The following VWC2L variants were observed in gnomAD, a reference collection of about 807,000 sequenced individuals.
VWC2L encodes von Willebrand factor C domain-containing protein 2-like.
Under a neutral mutation model 21.6 loss-of-function variants are expected in VWC2L, and 10 were observed. That is an observed-to-expected ratio of 0.46 (90% CI 0.29 to 0.78). VWC2L has a LOEUF of 0.78. VWC2L is among the 30% of genes least tolerant of loss of function. VWC2L has a pLI of 0.10. For missense variants in VWC2L, 209 were observed against 277.1 expected (o/e 0.75, Z 1.74); for synonymous variants, 96 against 94.3 (o/e 1.02, Z -0.10).
At chr2:214,502,826 C>G (rs1208303879) in intron 3 of VWC2L, among the ~76,000 whole-genome samples, 1 of 152,130 alleles carries the variant, frequency 6.6e-6, no homozygotes, top group Non-Finnish European at 1.5e-5. Context: ...TTTTCTTCTT[C>G]CCTTTCTCAT....
intron 3 of VWC2L, among the ~76,000 whole-genome samples, chr2:214,493,710 C>A (rs1688774918): frequency 6.6e-6 from 1 of 152,136 alleles, no homozygotes; most frequent in African/African-American, 2.4e-5. Flanking sequence ...AGAGGATATT[C>A]TGAGGTCAGG....
At chr2:214,463,187 T>C (rs1403054776) in intron 3 of VWC2L, among the ~76,000 whole-genome samples, 1 of 152,152 alleles carries the variant, frequency 6.6e-6, no homozygotes. Context: ...TTCTATCTAT[T>C]TTATCAGTTT....
At chr2:214,567,547 T>TCC (rs1690082810) in intron 3 of VWC2L, among the ~76,000 whole-genome samples, 2 of 119,898 alleles carry the variant, frequency 1.7e-5, no homozygotes, top group African/African-American at 6.8e-5. Context: ...TTCATCCACA[T>TCC]ACACACACAC....
chr2:214,516,314 T>C (rs1184326795), intron 3 of VWC2L, among the ~76,000 whole-genome samples: 3 of 151,876 alleles, frequency 2.0e-5, no homozygotes, highest in East Asian at 1.9e-4. Flanking sequence ...ACAGCCCTCA[T>C]CCCCTGCCTC....
At chr2:214,413,206 T>C (rs562991120) in intron 1 of VWC2L, among the ~76,000 whole-genome samples, 1 of 152,162 alleles carries the variant, frequency 6.6e-6, no homozygotes, top group Admixed American at 6.6e-5. Flanking sequence ...ATTTTTGACA[T>C]TTCAAGAGTT....
chr2:214,477,064 T>A (rs1157079049), intron 3 of VWC2L, among the ~76,000 whole-genome samples: 1 of 152,204 alleles, frequency 6.6e-6, no homozygotes, highest in Non-Finnish European at 1.5e-5. Context: ...TTGCCACTGT[T>A]AATTTATTTT....
At chr2:214,443,267 G>A (rs1702788495) in intron 3 of VWC2L, among the ~76,000 whole-genome samples, 1 of 152,178 alleles carries the variant, frequency 6.6e-6, no homozygotes, top group South Asian at 2.1e-4. Context: ...AGCTACTCAG[G>A]AGGCTGAGGC....
At chr2:214,469,037 C>T (rs1307871909) in intron 3 of VWC2L, among the ~76,000 whole-genome samples, 1 of 151,908 alleles carries the variant, frequency 6.6e-6, no homozygotes, top group Non-Finnish European at 1.5e-5. Context: ...CACATAAATA[C>T]TTTCAGTATA....
intron 3 of VWC2L, among the ~76,000 whole-genome samples, chr2:214,468,704 A>C (rs1256636912): frequency 1.3e-5 from 2 of 152,168 alleles, no homozygotes; most frequent in African/African-American, 4.8e-5. Context: ...TAGAACGTAT[A>C]ATGAGAAGAG....
At chr2:214,434,065 T>G (rs966880457) in intron 2 of VWC2L, among the ~76,000 whole-genome samples, 3 of 152,142 alleles carry the variant, frequency 2.0e-5, no homozygotes, top group African/African-American at 7.2e-5. Flanking sequence ...AGTACATAAA[T>G]AAAGCCAAGT....
At chr2:214,477,566 G>A (rs1360830951) in intron 3 of VWC2L, among the ~76,000 whole-genome samples, 1 of 152,230 alleles carries the variant, frequency 6.6e-6, no homozygotes, top group African/African-American at 2.4e-5. Context: ...GTTTGGGAGT[G>A]CGTAGAGCAC....
chr2:214,529,210 G>A (rs559477620), intron 3 of VWC2L, among the ~76,000 whole-genome samples: 2 of 152,238 alleles, frequency 1.3e-5, no homozygotes, highest in South Asian at 4.1e-4. Context: ...GAAAGTGAAC[G>A]TGTTGTATGG....
At chr2:214,492,511 C>T (rs959093835) in intron 3 of VWC2L, among the ~76,000 whole-genome samples, 2 of 152,112 alleles carry the variant, frequency 1.3e-5, no homozygotes, top group African/African-American at 4.8e-5. Context: ...ACCTGTGAGA[C>T]ACAGAATAAT....
At chr2:214,500,084 T>G (rs1019752422) in intron 3 of VWC2L, among the ~76,000 whole-genome samples, 1 of 152,294 alleles carries the variant, frequency 6.6e-6, no homozygotes, top group East Asian at 1.9e-4. Context: ...AGAGCAAGTG[T>G]TAATGCTCTG....
chr2:214,555,078 C>T (rs1487717486), intron 3 of VWC2L, among the ~76,000 whole-genome samples: 2 of 152,304 alleles, frequency 1.3e-5, no homozygotes, highest in Admixed American at 6.5e-5. Context: ...TAACAAGAAC[C>T]TTGGCTTCCA....
At chr2:214,538,160 A>G (rs1272080466) in intron 3 of VWC2L, among the ~76,000 whole-genome samples, 2 of 152,100 alleles carry the variant, frequency 1.3e-5, no homozygotes, top group African/African-American at 4.8e-5. Context: ...GACAGACAAA[A>G]TAAGAGACTG....
chr2:214,482,130 A>T (rs1415313540), intron 3 of VWC2L, among the ~76,000 whole-genome samples: 1 of 152,216 alleles, frequency 6.6e-6, no homozygotes, highest in Non-Finnish European at 1.5e-5. Flanking sequence ...ATGGCAGAAT[A>T]ACTAAAATGA....
At chr2:214,564,121 G>C (rs1395926451) in intron 3 of VWC2L, among the ~76,000 whole-genome samples, 1 of 152,030 alleles carries the variant, frequency 6.6e-6, no homozygotes, top group African/African-American at 2.4e-5. Context: ...GGGAAGTGAA[G>C]GATCTCTTGA....
intron 3 of VWC2L, among the ~76,000 whole-genome samples, chr2:214,485,791 G>A (rs944583060): frequency 3.3e-5 from 5 of 152,086 alleles, no homozygotes; most frequent in East Asian, 1.9e-4. Context: ...TAACCACATC[G>A]TCTTCATCTT....
Sources: gnomAD v4.1 joint callset for allele counts (sites outside exome capture counted in the v4.1 genomes callset) on GRCh38, gnomAD v4.1.1 for gene constraint, MANE v1.5 for transcripts, NCBI Gene and HGNC (gene_info 2026-07-23, HGNC 2026-07-21) for gene names.